The following USH2A variants were observed in gnomAD, a reference collection of about 807,000 sequenced individuals.
USH2A encodes the protein usherin.
USH2A carries 443 observed loss-of-function variants against 538.9 expected under a neutral mutation model. The observed-to-expected ratio is 0.82, with a 90% CI of 0.76 to 0.89. The LOEUF is 0.89. Among genes scored for constraint, USH2A ranks in the 40% least tolerant of loss-of-function variants. USH2A has a pLI of 0.00. For synonymous variants in USH2A, 2,413 were observed against 2,273.5 expected, an observed-to-expected ratio of 1.06 and a Z score of -1.75; for missense variants, 6,633 against 6,324.8, an observed-to-expected ratio of 1.05 and a Z score of -1.65.
At chr1:216,338,732 A>G (rs553019804) in intron 4 of USH2A, among the ~76,000 whole-genome samples, 1 of 151,626 alleles carries the variant, frequency 6.6e-6, no homozygotes, top group Non-Finnish European at 1.5e-5. Context: ...AATGAAAGAT[A>G]TACCAGAACA....
At chr1:215,729,801 T>A (rs1340837824) in intron 60 of USH2A, among the ~76,000 whole-genome samples, 1 of 152,142 alleles carries the variant, frequency 6.6e-6, no homozygotes, top group Admixed American at 6.6e-5. Context: ...TGGCTAACTT[T>A]TAAAATTTTT....
chr1:215,692,123 G>A (rs966408826), intron 61 of USH2A, among the ~76,000 whole-genome samples: 2 of 152,222 alleles, frequency 1.3e-5, no homozygotes, highest in African/African-American at 4.8e-5. Context: ...GAAATGTTAA[G>A]GAAGCTGTGC....
rs144521588 is a variant in USH2A at position 215,996,893 on chromosome 1, G to C, written c.6657+1994C>G. On this transcript the variant is annotated intron_variant, in intron 34 of 71. Coordinates refer to ENST00000307340, the MANE Select transcript of USH2A (RefSeq NM_206933.4). ...TGCTCCAAGCCTAGGGTAAATCATAGTGGTTCAAATCCCCGTGTAGCTTCC... is the reference window on the plus strand; with the variant it reads ...TGCTCCAAGCCTAGGGTAAATCATACTGGTTCAAATCCCCGTGTAGCTTCC... Among the ~76,000 whole-genome samples the C allele has an allele frequency of 6.1e-4, 93 of 152,194 alleles. 1 individual carries two copies. Among genetic ancestry groups the C allele is most frequent in the African/African-American group, 1.9e-3 (80 of 41,548 alleles).
chr1:215,702,292 G>A (rs760637573), intron 61 of USH2A, among the ~76,000 whole-genome samples: 10 of 152,024 alleles, frequency 6.6e-5, no homozygotes, highest in South Asian at 4.2e-4. Flanking sequence ...TGATGATTAC[G>A]TGTCTTGGGG....
chr1:215,782,050 T>G lies in USH2A; in HGVS notation c.10732A>C (p.Ser3578Arg). 1 of 1,613,992 alleles carries G rather than the reference T, an allele frequency of 6.2e-7. No homozygotes were observed. Among genetic ancestry groups the G allele is most frequent in the Non-Finnish European group, 8.5e-7 (1 of 1,179,848 alleles). ...AGGCAAACTCCTCTTACCTTGCTAC[T>G]GGTGGCACAGCCAGCAACCGTGCAA... ...KACTVAGCAT[S>R]SKVVAATTQG... Residue 3578 changes from serine to arginine, a missense_variant, in exon 54 of 72, where the codon AGT (serine) becomes CGT (arginine). By Grantham distance (110) the Ser-to-Arg change is moderately radical. Transcript: ENST00000307340.
intron 32 of USH2A, among the ~76,000 whole-genome samples, chr1:216,011,223 C>T (rs1037652735): frequency 2.0e-5 from 3 of 152,176 alleles, no homozygotes; most frequent in Admixed American, 1.3e-4. Flanking sequence ...CCTCCCTCCA[C>T]AATCCATTAT....
intron 40 of USH2A, among the ~76,000 whole-genome samples, chr1:215,895,208 A>T (rs1366500826): frequency 6.6e-6 from 1 of 152,220 alleles, no homozygotes; most frequent in Non-Finnish European, 1.5e-5. Context: ...TTGTGGATTT[A>T]CTTCAATCAA....
Position 215,675,097 on chromosome 1 carries a change from A to C in USH2A, c.12814T>G (p.Ser4272Ala). Residue 4272 changes from serine to alanine, a missense_variant, in exon 63 of 72, where the codon TCC becomes GCC. Coordinates refer to ENST00000307340, the MANE Select transcript of USH2A (RefSeq NM_206933.4). Reference sequence around the variant, plus strand: ...TTTTGGGGATTCATAGAAACATAGGATATCACAGGTGGAGAGAGACCTTCT... The same window carrying C: ...TTTTGGGGATTCATAGAAACATAGGCTATCACAGGTGGAGAGAGACCTTCT... ...PPEGLSPPVI[S>A]YVSMNPQKLL... The C allele has an allele frequency of 6.2e-7, 1 of 1,614,138 alleles. No individual in the cohort carries two copies. Among genetic ancestry groups the C allele is most frequent in the Non-Finnish European group, 8.5e-7 (1 of 1,180,014 alleles).
chr1:215,701,740 C>T (rs1384401499), intron 61 of USH2A, among the ~76,000 whole-genome samples: 2 of 152,200 alleles, frequency 1.3e-5, no homozygotes, highest in East Asian at 1.9e-4. Context: ...CTCCTGAATA[C>T]AGCACACTGA....
chr1:216,359,972 T>C (rs1333653967), intron 4 of USH2A, among the ~76,000 whole-genome samples: 1 of 152,112 alleles, frequency 6.6e-6, no homozygotes, highest in Non-Finnish European at 1.5e-5. Context: ...GATAGGAATG[T>C]AAAACGATAT....
intron 12 of USH2A, among the ~76,000 whole-genome samples, chr1:216,250,222 A>C (rs1571621877): frequency 6.6e-6 from 1 of 152,284 alleles, no homozygotes; most frequent in East Asian, 1.9e-4. Flanking sequence ...ATCAAATCTA[A>C]TTTCCGAAAA....
intron 26 of USH2A, chr1:216,079,222 C>T (rs1195690092): frequency 2.0e-5 from 3 of 152,058 alleles, no homozygotes; most frequent in Non-Finnish European, 4.4e-5. Context: ...TTTCATTTGT[C>T]TAACCACTTA....
intron 24 of USH2A, chr1:216,085,178 T>G (rs571839288): frequency 3.0e-5 from 10 of 330,418 alleles, no homozygotes; most frequent in African/African-American, 2.1e-4. Flanking sequence ...CATCTGCCAC[T>G]AGCCTCAAAA....
chr1:216,000,397 AC>A lies in USH2A; in HGVS notation c.6485+5del. The A allele has an allele frequency of 1.9e-6, 3 of 1,613,424 alleles. No individual in the cohort carries two copies. The South Asian group carries it at 3.3e-5, about 18-fold the overall frequency. On this transcript the variant is annotated splice_donor_5th_base_variant and intron_variant, in intron 33 of 71. Coordinates refer to ENST00000307340, the MANE Select transcript of USH2A (RefSeq NM_206933.4). ...AGCATGTGAGAGAGACAACATTTCT[AC>A]TTACTGTATGTGTATAGTTCTAGAA...
At chr1:216,318,651 C>T (rs924063879) in intron 9 of USH2A, among the ~76,000 whole-genome samples, 3 of 152,138 alleles carry the variant, frequency 2.0e-5, no homozygotes, top group African/African-American at 4.8e-5. Flanking sequence ...TGGCTAAATT[C>T]ATAAACTATC....
At position 216,070,122 on chromosome 1, in the gene USH2A, C is replaced by G. The variant is rs559444165; in HGVS notation, c.6028G>C (p.Val2010Leu). 2 of 1,613,954 alleles carry G rather than the reference C, an allele frequency of 1.2e-6. No homozygotes were observed. Among genetic ancestry groups the G allele is most frequent in the Non-Finnish European group, 1.7e-6 (2 of 1,179,906 alleles). ...TTACCTGTGAGGTTGCTTGTATTGACAAATTCAGCACTGGCAGAGGGCATG... is the reference window on the plus strand; with the variant it reads ...TTACCTGTGAGGTTGCTTGTATTGAGAAATTCAGCACTGGCAGAGGGCATG... The part of the protein sequence containing the change: ...PRMPSASAEF[V>L]NTSNLTGILT... The change falls in exon 30 of 72, where the codon GTC (valine) becomes CTC (leucine). Residue 2010 changes from valine (V) to leucine (L), a missense_variant. Coordinates refer to ENST00000307340, the MANE Select transcript of USH2A (RefSeq NM_206933.4).
chr1:215,718,073 G>T (rs73084804), intron 61 of USH2A, among the ~76,000 whole-genome samples: 1 of 152,094 alleles, frequency 6.6e-6, no homozygotes, highest in Non-Finnish European at 1.5e-5. Context: ...GAGACTTCAA[G>T]TCCATAGATA....
At chr1:215,670,848 A>G (rs1657791309) in intron 64 of USH2A, 124 bp downstream of exon 64, 3 of 979,290 alleles carry the variant, frequency 3.1e-6, no homozygotes, top group East Asian at 5.0e-5. Context: ...TTTAAGGAAT[A>G]TTATTATTCT....
intron 32 of USH2A, among the ~76,000 whole-genome samples, chr1:216,012,806 G>A (rs1437664585): frequency 2.0e-5 from 3 of 151,958 alleles, no homozygotes; most frequent in Admixed American, 6.6e-5. Flanking sequence ...CAGCCCATTT[G>A]AGCTCCTGTA....
Sources: gnomAD v4.1 joint callset for allele counts (sites outside exome capture counted in the v4.1 genomes callset) on GRCh38, gnomAD v4.1.1 for gene constraint, MANE v1.5 for transcripts, NCBI Gene and HGNC (gene_info 2026-07-23, HGNC 2026-07-21) for gene names.